LDLRAD3: variants seen among roughly 807,000 people sequenced by gnomAD.
LDLRAD3 encodes low density lipoprotein receptor class A domain containing 3.
Under a neutral mutation model 29.4 loss-of-function variants are expected in LDLRAD3, and 20 were observed. That is an observed-to-expected ratio of 0.68 (90% CI 0.48 to 0.99). LDLRAD3 has a LOEUF of 0.99. Ranked by LOEUF, LDLRAD3 falls within the 50% of genes least tolerant of loss-of-function variation. The pLI is 0.00. For synonymous variants in LDLRAD3, 157 were observed against 192.7 expected, an observed-to-expected ratio of 0.81 and a Z score of 1.53; for missense variants, 420 against 454.3, an observed-to-expected ratio of 0.92 and a Z score of 0.69.
intron 4 of LDLRAD3, among the ~76,000 whole-genome samples, chr11:36,103,644 G>T (rs1392875034): frequency 6.6e-6 from 1 of 152,178 alleles, no homozygotes; most frequent in Non-Finnish European, 1.5e-5. Flanking sequence ...TGGAGGTTAG[G>T]CGTGCCGAAG....
intron 1 of LDLRAD3, among the ~76,000 whole-genome samples, chr11:36,002,868 A>C (rs181612798): frequency 7.9e-5 from 12 of 152,364 alleles, no homozygotes; most frequent in African/African-American, 1.4e-4. Context: ...ATAGAAGCTC[A>C]CAGGCATCCT....
intron 1 of LDLRAD3, among the ~76,000 whole-genome samples, chr11:36,029,150 C>T (rs1852203904): frequency 6.6e-6 from 1 of 152,122 alleles, no homozygotes; most frequent in African/African-American, 2.4e-5. Flanking sequence ...GAGGCTGAGA[C>T]AGAAGAATCG....
intron 1 of LDLRAD3, among the ~76,000 whole-genome samples, chr11:35,990,912 T>G (rs1376962039): frequency 6.6e-6 from 1 of 152,244 alleles, no homozygotes; most frequent in Non-Finnish European, 1.5e-5. Context: ...CATATCTTTT[T>G]GGGAGACTCA....
chr11:36,227,525 A>G, intron 5 of LDLRAD3, 95 bp downstream of exon 5: 1 of 983,184 alleles, frequency 1.0e-6, no homozygotes, highest in Non-Finnish European at 1.5e-6. Flanking sequence ...TCTTGCCAAG[A>G]GCCTGGCTTC....
chr11:36,048,615 C>A (rs1379956186), intron 2 of LDLRAD3, among the ~76,000 whole-genome samples: 1 of 152,204 alleles, frequency 6.6e-6, no homozygotes, highest in Non-Finnish European at 1.5e-5. Flanking sequence ...ACTAAATCCC[C>A]CAGTTCTTAG....
At chr11:36,156,072 A>G (rs1017055484) in intron 4 of LDLRAD3, among the ~76,000 whole-genome samples, 7 of 152,214 alleles carry the variant, frequency 4.6e-5, no homozygotes, top group African/African-American at 1.2e-4. Flanking sequence ...TAGAGACTCC[A>G]TACAAGAGAT....
chr11:36,062,775 C>T (rs1209168098), intron 2 of LDLRAD3, among the ~76,000 whole-genome samples: 1 of 152,212 alleles, frequency 6.6e-6, no homozygotes, highest in Non-Finnish European at 1.5e-5. Context: ...CTTACCCTTC[C>T]ACCACGATTG....
At chr11:36,109,279 C>T (rs777206523) in intron 4 of LDLRAD3, among the ~76,000 whole-genome samples, 22 of 151,684 alleles carry the variant, frequency 1.5e-4, no homozygotes, top group Non-Finnish European at 2.9e-4. Context: ...TGGTGGCCTG[C>T]GTGGACTGGG....
intron 1 of LDLRAD3, among the ~76,000 whole-genome samples, chr11:36,012,998 AT>A (rs766952626): frequency 1.3e-5 from 2 of 152,244 alleles, no homozygotes; most frequent in Non-Finnish European, 2.9e-5. Flanking sequence ...AATATAAAAA[AT>A]GTCCATTTTG....
chr11:36,021,005 C>T (rs980462338), intron 1 of LDLRAD3, among the ~76,000 whole-genome samples: 3 of 151,980 alleles, frequency 2.0e-5, no homozygotes, highest in Non-Finnish European at 4.4e-5. Context: ...TGGTTGATGG[C>T]GGTGGGGGTG....
At chr11:36,018,617 C>T (rs1329204786) in intron 1 of LDLRAD3, among the ~76,000 whole-genome samples, 2 of 152,106 alleles carry the variant, frequency 1.3e-5, no homozygotes, top group Non-Finnish European at 2.9e-5. Context: ...CCTAGAAATA[C>T]AATCAGTGGG....
At chr11:36,215,585 C>G (rs1324158155) in intron 4 of LDLRAD3, among the ~76,000 whole-genome samples, 1 of 152,140 alleles carries the variant, frequency 6.6e-6, no homozygotes, top group Non-Finnish European at 1.5e-5. Context: ...GGGACTGGAG[C>G]CCAAGAGCCC....
At chr11:36,099,099 A>T (rs1018574313) in intron 4 of LDLRAD3, among the ~76,000 whole-genome samples, 1 of 151,610 alleles carries the variant, frequency 6.6e-6, no homozygotes. Context: ...TTTTCCCGTC[A>T]TGTTTGTTTA....
intron 4 of LDLRAD3, among the ~76,000 whole-genome samples, chr11:36,165,949 C>A: frequency 9.1e-6 from 1 of 110,306 alleles, no homozygotes; most frequent in Non-Finnish European, 1.8e-5. Flanking sequence ...TTGCTTCCTC[C>A]CTCCCTCCCT....
At chr11:35,972,037 G>A (rs914370264) in intron 1 of LDLRAD3, among the ~76,000 whole-genome samples, 1 of 152,118 alleles carries the variant, frequency 6.6e-6, no homozygotes, top group African/African-American at 2.4e-5. Flanking sequence ...TCTGGCAACT[G>A]GTTTTTGTAT....
At chr11:36,221,506 A>C (rs2133389081) in intron 4 of LDLRAD3, among the ~76,000 whole-genome samples, 1 of 152,276 alleles carries the variant, frequency 6.6e-6, no homozygotes, top group East Asian at 1.9e-4. Flanking sequence ...AGGACAGGAA[A>C]CAATAAAGGA....
intron 4 of LDLRAD3, among the ~76,000 whole-genome samples, chr11:36,178,606 A>G (rs866832589): frequency 1.3e-5 from 2 of 152,136 alleles, no homozygotes; most frequent in African/African-American, 4.8e-5. Flanking sequence ...CCCCATCAAA[A>G]CTGGATTGTT....
intron 1 of LDLRAD3, among the ~76,000 whole-genome samples, chr11:35,962,073 C>T (rs1851284328): frequency 6.6e-6 from 1 of 152,176 alleles, no homozygotes; most frequent in Non-Finnish European, 1.5e-5. Context: ...ACTTTGGTGA[C>T]TCCTCATTTT....
At chr11:36,126,326 C>T (rs1590288684) in intron 4 of LDLRAD3, among the ~76,000 whole-genome samples, 1 of 152,254 alleles carries the variant, frequency 6.6e-6, no homozygotes, top group East Asian at 1.9e-4. Flanking sequence ...CTTCTCCAGC[C>T]CTGTGCCCTG....
Sources: allele counts gnomAD v4.1 joint callset (sites outside exome capture counted in the v4.1 genomes callset), GRCh38; gene constraint gnomAD v4.1.1; transcripts MANE v1.5; gene names NCBI Gene and HGNC (gene_info 2026-07-23, HGNC 2026-07-21).